Variants in SORCS3 observed in about 807,000 individuals in gnomAD.
SORCS3 encodes VPS10 domain-containing receptor SorCS3.
In SORCS3, 57 loss-of-function variants were observed where a neutral mutation model predicts 146.3. The ratio of observed to expected loss-of-function variants is 0.39; its 90% confidence interval spans 0.31 to 0.49. The LOEUF (loss-of-function observed/expected upper bound fraction) is 0.49. Ranked by LOEUF, SORCS3 falls within the 20% of genes least tolerant of loss-of-function variation. The probability of loss-of-function intolerance (pLI) is 0.92; values close to 1 mark genes in which losing one functional copy is unlikely to be tolerated. For missense variants in SORCS3, 1,341 were observed against 1,575.5 expected (o/e 0.85, Z 2.52); for synonymous variants, 653 against 618.5 (o/e 1.06, Z -0.83).
chr10:104,941,002 G>A (rs557364398), intron 3 of SORCS3, among the ~76,000 whole-genome samples: 27 of 152,252 alleles, frequency 1.8e-4, no homozygotes, highest in South Asian at 6.2e-4. Flanking sequence ...CTTCCTTTTC[G>A]ATCATATAGG....
At position 104,961,660 on chromosome 10, in the gene SORCS3, G is replaced by A. The variant is rs570894790; in HGVS notation, c.796-15675G>A. Among the ~76,000 whole-genome samples the A allele has an allele frequency of 3.3e-4, 50 of 152,168 alleles. 1 individual carries two copies. Among genetic ancestry groups the A allele is most frequent in the Non-Finnish European group, 6.5e-4 (44 of 68,028 alleles). On this transcript the variant is annotated intron_variant, in intron 3 of 26. Coordinates refer to ENST00000369701, the MANE Select transcript of SORCS3 (RefSeq NM_014978.3). ...GTAGCAGAGGAATACTGACCTGAAT[G>A]CCAATTACTGCATATGCAACTGGTA...
At chr10:104,971,537 G>T (rs185368930) in intron 3 of SORCS3, among the ~76,000 whole-genome samples, 1 of 152,306 alleles carries the variant, frequency 6.6e-6, no homozygotes, top group East Asian at 1.9e-4. Context: ...CTGGAATCAG[G>T]TACCACTGTG....
intron 1 of SORCS3, among the ~76,000 whole-genome samples, chr10:104,729,859 G>T (rs1221944763): frequency 6.6e-6 from 1 of 152,230 alleles, no homozygotes; most frequent in Non-Finnish European, 1.5e-5. Flanking sequence ...GAAAGCACAT[G>T]ACAACTTCCA....
At chr10:105,092,064 C>T (rs113243737) in intron 6 of SORCS3, among the ~76,000 whole-genome samples, 70 of 152,300 alleles carry the variant, frequency 4.6e-4, no homozygotes, top group African/African-American at 1.6e-3. Flanking sequence ...GCTTAAGACA[C>T]ATTATTTTCT....
chr10:104,649,566 G>C (rs1439092211), intron 1 of SORCS3, among the ~76,000 whole-genome samples: 1 of 152,194 alleles, frequency 6.6e-6, no homozygotes, highest in Non-Finnish European at 1.5e-5. Context: ...CAAGGCCTTG[G>C]CTAGAACCCA....
chr10:104,925,887 A>C (rs1404517613), intron 3 of SORCS3, among the ~76,000 whole-genome samples: 1 of 152,236 alleles, frequency 6.6e-6, no homozygotes, highest in Non-Finnish European at 1.5e-5. Context: ...ATTTTTGTTT[A>C]ATCAAATAAG....
At chr10:105,063,345 C>T (rs1332065019) in intron 5 of SORCS3, among the ~76,000 whole-genome samples, 2 of 152,294 alleles carry the variant, frequency 1.3e-5, no homozygotes, top group South Asian at 2.1e-4. Context: ...TCTCATTTTA[C>T]AGATAAGGAA....
intron 3 of SORCS3, 138 bp downstream of exon 3, chr10:104,916,070 G>A (rs1000699085): frequency 4.5e-5 from 29 of 639,406 alleles, no homozygotes; most frequent in South Asian, 7.8e-5. Flanking sequence ...CTTCATAAAC[G>A]CTGTTTGTAA....
At chr10:104,938,461 A>G (rs963446315) in intron 3 of SORCS3, among the ~76,000 whole-genome samples, 21 of 151,628 alleles carry the variant, frequency 1.4e-4, no homozygotes, top group African/African-American at 5.1e-4. Context: ...TCTCACTCAT[A>G]CTCTTTGACC....
At chr10:104,869,309 G>A (rs1449160907) in intron 2 of SORCS3, among the ~76,000 whole-genome samples, 1 of 152,166 alleles carries the variant, frequency 6.6e-6, no homozygotes, top group Non-Finnish European at 1.5e-5. Flanking sequence ...TCGGTGGTGT[G>A]AGTTCTAGTC....
chr10:105,208,218 G>A (rs2056614140), intron 16 of SORCS3, among the ~76,000 whole-genome samples: 1 of 152,084 alleles, frequency 6.6e-6, no homozygotes, highest in African/African-American at 2.4e-5. Context: ...GTGGGTGCCT[G>A]TAATCCCAGG....
At chr10:104,818,360 T>TCTTCCTTCCTTC (rs34389949) in intron 1 of SORCS3, among the ~76,000 whole-genome samples, 5,948 of 139,716 alleles carry the variant, frequency 0.043, 253 homozygotes, top group African/African-American at 0.097. Flanking sequence ...TCTTCTCCTT[T>TCTTCCTTCCTTC]CTTCCTTCCT....
At chr10:104,900,444 A>G (rs927041035) in intron 2 of SORCS3, among the ~76,000 whole-genome samples, 3 of 152,196 alleles carry the variant, frequency 2.0e-5, no homozygotes, top group Non-Finnish European at 4.4e-5. Flanking sequence ...CCAAACCATC[A>G]TATAAATCAC....
intron 2 of SORCS3, among the ~76,000 whole-genome samples, chr10:104,904,183 A>G (rs2018880102): frequency 6.6e-6 from 1 of 152,200 alleles, no homozygotes; most frequent in African/African-American, 2.4e-5. Context: ...TGGTATGGAG[A>G]TACAGTAAAG....
At chr10:105,148,108 G>C (rs1589655584) in intron 9 of SORCS3, among the ~76,000 whole-genome samples, 1 of 152,204 alleles carries the variant, frequency 6.6e-6, no homozygotes, top group East Asian at 1.9e-4. Flanking sequence ...ATTTGGCCTA[G>C]GTGATTTTTT....
chr10:104,928,718 T>C (rs1471628507), intron 3 of SORCS3, among the ~76,000 whole-genome samples: 4 of 152,212 alleles, frequency 2.6e-5, no homozygotes, highest in Admixed American at 2.6e-4. Flanking sequence ...GCCAGATGGC[T>C]CAGGGGTGGG....
At chr10:104,682,654 A>G (rs754163078) in intron 1 of SORCS3, among the ~76,000 whole-genome samples, 26 of 152,214 alleles carry the variant, frequency 1.7e-4, no homozygotes, top group Middle Eastern at 3.2e-3. Context: ...CTGCTCTGGA[A>G]GAGGTTGGGG....
chr10:104,993,952 C>T (rs10884076), intron 4 of SORCS3, among the ~76,000 whole-genome samples: 20,292 of 151,030 alleles, frequency 0.13, 1,457 homozygotes, highest in Middle Eastern at 0.19. Context: ...ATTTTTAAAT[C>T]TCAAAGAAAT....
At chr10:104,802,853 A>T (rs900544523) in intron 1 of SORCS3, among the ~76,000 whole-genome samples, 13 of 152,158 alleles carry the variant, frequency 8.5e-5, no homozygotes, top group African/African-American at 3.1e-4. Context: ...TATGGCCCTG[A>T]TTAGTTTGGA....
Sources: allele counts gnomAD v4.1 joint callset (sites outside exome capture counted in the v4.1 genomes callset), GRCh38; gene constraint gnomAD v4.1.1; transcripts MANE v1.5; gene names NCBI Gene and HGNC (gene_info 2026-07-23, HGNC 2026-07-21).